Variants in MED12L observed in about 807,000 individuals in gnomAD.
The protein encoded by MED12L is mediator complex subunit 12L.
In MED12L, 60 loss-of-function variants were observed where a neutral mutation model predicts 281.3. That is an observed-to-expected ratio of 0.21 (90% confidence interval 0.17 to 0.26). The LOEUF (loss-of-function observed/expected upper bound fraction) is 0.26, where lower values mean the gene tolerates loss of function less well. MED12L is among the 10% of genes least tolerant of loss of function. MED12L has a pLI of 1.00. For synonymous variants in MED12L, 974 were observed against 987.2 expected (o/e 0.99, Z 0.25); for missense variants, 2,146 against 2,680.9 (o/e 0.80, Z 4.41).
chr3:151,208,906 A>T (rs890660254), intron 16 of MED12L, among the ~76,000 whole-genome samples: 1 of 152,080 alleles, frequency 6.6e-6, no homozygotes, highest in Non-Finnish European at 1.5e-5. Flanking sequence ...CCATGCTGAT[A>T]CCATGGGAGT....
chr3:151,428,603 C>T (rs773217969), intron 43 of MED12L, among the ~76,000 whole-genome samples: 13 of 152,160 alleles, frequency 8.5e-5, no homozygotes, highest in Non-Finnish European at 1.9e-4. Context: ...ATGCCAAGCC[C>T]TTGTCTTTCA....
At chr3:151,227,944 C>A (rs1410664758) in intron 16 of MED12L, among the ~76,000 whole-genome samples, 1 of 152,162 alleles carries the variant, frequency 6.6e-6, no homozygotes, top group Non-Finnish European at 1.5e-5. Context: ...TGCAACCAGC[C>A]ACGTCCCCAC....
chr3:151,407,812 T>C (rs1267921651), intron 39 of MED12L, among the ~76,000 whole-genome samples: 2 of 152,186 alleles, frequency 1.3e-5, no homozygotes, highest in African/African-American at 4.8e-5. Context: ...TTCATTCATG[T>C]GTAGATAGAT....
At position 151,212,960 on chromosome 3, in the gene MED12L, A is replaced by C. The variant is rs118114705; in HGVS notation, c.2250+19294A>C. On this transcript the variant is annotated intron_variant, in intron 16 of 44. Coordinates refer to ENST00000687756, the MANE Select transcript of MED12L (RefSeq NM_001393769.1). ...ATGCCTGAGTGAGTTGTCTTTGATT[A>C]TGTTGTGTTTTATTTACTATTTAAA... The C allele has an allele frequency of 6.4e-4, 100 of 157,296 alleles. 1 individual carries two copies. The East Asian group carries it at 0.017, about 27-fold the overall frequency. The allele number at this position is 157,296 out of a possible 1,614,324, so 9.7% of individuals were successfully genotyped here.
At chr3:151,249,915 A>G (rs1355666699) in intron 16 of MED12L, among the ~76,000 whole-genome samples, 1 of 152,162 alleles carries the variant, frequency 6.6e-6, no homozygotes. Context: ...GGCCTATAGC[A>G]TCAACTTTTC....
chr3:151,392,436 C>T (rs1376168628), intron 38 of MED12L, among the ~76,000 whole-genome samples: 1 of 144,542 alleles, frequency 6.9e-6, no homozygotes, highest in Non-Finnish European at 1.5e-5. Flanking sequence ...TTGCACTCCA[C>T]CCTGGGTGAC....
At chr3:151,300,399 C>T (rs1745740152) in intron 16 of MED12L, among the ~76,000 whole-genome samples, 1 of 152,160 alleles carries the variant, frequency 6.6e-6, no homozygotes, top group South Asian at 2.1e-4. Context: ...ACTTTGGCTA[C>T]ATACCTTAAC....
At chr3:151,424,507 T>TACCC (rs1560150817) in intron 43 of MED12L, among the ~76,000 whole-genome samples, 5 of 152,090 alleles carry the variant, frequency 3.3e-5, no homozygotes, top group Middle Eastern at 3.4e-3. Context: ...TAGTCCCAGC[T>TACCC]ACCCGGGAGG....
intron 16 of MED12L, among the ~76,000 whole-genome samples, chr3:151,230,748 G>A (rs1261594468): frequency 6.6e-6 from 1 of 152,212 alleles, no homozygotes; most frequent in East Asian, 1.9e-4. Flanking sequence ...ATGTCTGTAA[G>A]TCATGACACC....
intron 16 of MED12L, among the ~76,000 whole-genome samples, chr3:151,255,406 G>A (rs538313814): frequency 1.1e-4 from 16 of 152,064 alleles, no homozygotes; most frequent in African/African-American, 2.7e-4. Context: ...TAGAGTAGAC[G>A]GAAAGTCCAC....
At chr3:151,116,248 A>G in intron 2 of MED12L, 90 bp from the exon 3 acceptor site, 1 of 843,806 alleles carries the variant, frequency 1.2e-6, no homozygotes. Context: ...ACAGAGTATA[A>G]CAAATTTAGC....
chr3:151,315,842 A>G (rs192268286), intron 16 of MED12L, among the ~76,000 whole-genome samples: 185 of 152,328 alleles, frequency 1.2e-3, no homozygotes, highest in African/African-American at 4.0e-3. Flanking sequence ...AATGTGATGT[A>G]AAATTCCATA....
In MED12L at chr3:151,241,008, A is replaced by G. The variant is rs537579229; in HGVS notation, c.2250+47342A>G. Among the ~76,000 whole-genome samples, 5 of 152,292 alleles carry G rather than the reference A, an allele frequency of 3.3e-5. No homozygotes were observed. The East Asian group carries it at 7.7e-4, about 23-fold the overall frequency. On this transcript the variant is annotated intron_variant, in intron 16 of 44. Coordinates refer to ENST00000687756, the MANE Select transcript of MED12L (RefSeq NM_001393769.1). Reference sequence around the variant, plus strand: ...CCTTTTCCAGTGTCTCCTGGTTGCCAAAAACATCCAGTGAGATGAGAGTAT... The same window carrying G: ...CCTTTTCCAGTGTCTCCTGGTTGCCGAAAACATCCAGTGAGATGAGAGTAT...
intron 16 of MED12L, among the ~76,000 whole-genome samples, chr3:151,287,030 C>T (rs1406716641): frequency 6.6e-6 from 1 of 152,080 alleles, no homozygotes; most frequent in Non-Finnish European, 1.5e-5. Flanking sequence ...GCTAGTACTT[C>T]CTTATGGGTT....
At chr3:151,311,056 A>G (rs541811974) in intron 16 of MED12L, among the ~76,000 whole-genome samples, 24 of 152,192 alleles carry the variant, frequency 1.6e-4, no homozygotes, top group Non-Finnish European at 2.8e-4. Context: ...TGACATTTAT[A>G]TTTCAGGTGC....
chr3:151,237,350 C>CTT (rs57239604), intron 16 of MED12L, among the ~76,000 whole-genome samples: 16,041 of 94,488 alleles, frequency 0.17, 1,870 homozygotes, highest in Non-Finnish European at 0.2. Flanking sequence ...TTTTTTTTTT[C>CTT]TTTTTTTTTT....
At chr3:151,362,069 T>C (rs1754676747) in intron 21 of MED12L, among the ~76,000 whole-genome samples, 2 of 151,642 alleles carry the variant, frequency 1.3e-5, no homozygotes, top group African/African-American at 2.4e-5. Context: ...TCGTATCCAG[T>C]TTGTAAATTC....
chr3:151,118,967 G>A (rs1371226485), intron 3 of MED12L, among the ~76,000 whole-genome samples: 1 of 152,204 alleles, frequency 6.6e-6, no homozygotes, highest in Admixed American at 6.5e-5. Context: ...GATTACAGAT[G>A]TGAGCCACTG....
In MED12L at chr3:151,388,013, C is replaced by G; in HGVS notation, c.5292C>G (p.Pro1764=). 1.2e-6 allele frequency: 2 copies of G among 1,614,000 alleles called. No homozygotes were observed. The highest frequency in any genetic ancestry group is 1.7e-6 in the Non-Finnish European group (2 of 1,179,990). Residue 1764 remains proline (P), a synonymous_variant, in exon 37 of 45, where the codon CCC becomes CCG. Transcript: ENST00000687756. ...KPRSYYLQPL[P]LPPEEEEEEP... is the part of the protein sequence containing the mutation. ...GCAGTTACTACCTCCAGCCACTGCC[C>G]CTGCCTCCTGAGGAGGAAGAGGAAG... is the stretch of plus-strand genomic sequence containing the variant.
Sources: allele counts gnomAD v4.1 joint callset (sites outside exome capture counted in the v4.1 genomes callset), GRCh38; gene constraint gnomAD v4.1.1; transcripts MANE v1.5; gene names NCBI Gene and HGNC (gene_info 2026-07-23, HGNC 2026-07-21).